Variants in HYCC1 observed in about 807,000 individuals in gnomAD.
The protein encoded by HYCC1 is hyccin PI4KA lipid kinase complex subunit 1, also known as hyccin.
chr7:22,997,004 G>A, the HYCC1 span, among the ~76,000 whole-genome samples: 175 of 152,162 alleles, frequency 1.2e-3, 1 homozygote, highest in South Asian at 2.5e-3. Flanking sequence ...AACATGTTCC[G>A]GAGCAGAATA....
the HYCC1 span, among the ~76,000 whole-genome samples, chr7:22,996,968 G>A: frequency 6.6e-6 from 1 of 152,150 alleles, no homozygotes; most frequent in East Asian, 1.9e-4. Context: ...GTTTCCTGCT[G>A]TGTAACTAAC....
chr7:22,902,956 C>T, the HYCC1 span, among the ~76,000 whole-genome samples: 6 of 152,036 alleles, frequency 3.9e-5, no homozygotes, highest in South Asian at 1.2e-3. Flanking sequence ...GACCAGTAAG[C>T]ACATAAAAAG....
chr7:22,958,018 A>G, the HYCC1 span, among the ~76,000 whole-genome samples: 1 of 151,552 alleles, frequency 6.6e-6, no homozygotes, highest in East Asian at 1.9e-4. Context: ...TAATTTATAT[A>G]TAAACAAAAT....
the HYCC1 span, among the ~76,000 whole-genome samples, chr7:22,990,178 A>G: frequency 2.6e-5 from 4 of 152,212 alleles, no homozygotes; most frequent in Non-Finnish European, 4.4e-5. Flanking sequence ...GCCAGACCAG[A>G]TGTTCACCCC....
the HYCC1 span, among the ~76,000 whole-genome samples, chr7:22,901,082 G>T: frequency 6.6e-6 from 1 of 151,674 alleles, no homozygotes; most frequent in Non-Finnish European, 1.5e-5. Context: ...TTACCCAGGT[G>T]TGGTGGTTTG....
At chr7:22,962,762 C>A in the HYCC1 span, among the ~76,000 whole-genome samples, 1 of 148,296 alleles carries the variant, frequency 6.7e-6, no homozygotes, top group African/African-American at 2.5e-5. Context: ...CATGCCCCCC[C>A]ACCCAACCCC....
chr7:23,013,088 G>A, the HYCC1 span, among the ~76,000 whole-genome samples: 3 of 152,244 alleles, frequency 2.0e-5, no homozygotes, highest in Admixed American at 1.3e-4. Context: ...AATCTTTCAG[G>A]AATGTCTAAA....
the HYCC1 span, chr7:22,942,951 A>T: frequency 6.6e-6 from 1 of 152,194 alleles, no homozygotes; most frequent in East Asian, 1.9e-4. Context: ...CCAGAAAATC[A>T]ATTAGTGCAA....
At chr7:22,983,881 A>C in the HYCC1 span, 1 of 967,382 alleles carries the variant, frequency 1.0e-6, no homozygotes, top group South Asian at 1.3e-5. Context: ...TCTATTTCAC[A>C]ATAAAAAATT....
chr7:22,997,530 G>C, the HYCC1 span, among the ~76,000 whole-genome samples: 1 of 151,976 alleles, frequency 6.6e-6, no homozygotes, highest in African/African-American at 2.4e-5. Flanking sequence ...AGAATTCCTG[G>C]GTGAATTTCA....
chr7:22,950,654 G>A, the HYCC1 span, among the ~76,000 whole-genome samples: 33 of 151,956 alleles, frequency 2.2e-4, no homozygotes, highest in East Asian at 5.2e-3. Context: ...TGAAGGAGCC[G>A]TCTCTAAATG....
chr7:22,990,990 A>G, the HYCC1 span: 6 of 1,031,920 alleles, frequency 5.8e-6, no homozygotes, highest in Non-Finnish European at 7.7e-6. Context: ...AAATACAAAA[A>G]TCACTGGAAT....
At chr7:22,929,575 A>T in the HYCC1 span, among the ~76,000 whole-genome samples, 266 of 152,358 alleles carry the variant, frequency 1.7e-3, 1 homozygote, top group African/African-American at 5.9e-3. Context: ...TTATGCAGCC[A>T]AAAAACACGT....
chr7:22,951,390 G>T, the HYCC1 span, among the ~76,000 whole-genome samples: 1 of 151,748 alleles, frequency 6.6e-6, no homozygotes, highest in Non-Finnish European at 1.5e-5. Context: ...CTGACATGGG[G>T]TGCTTACAAA....
At chr7:22,949,031 A>G in the HYCC1 span, among the ~76,000 whole-genome samples, 29 of 152,158 alleles carry the variant, frequency 1.9e-4, no homozygotes, top group African/African-American at 6.5e-4. Flanking sequence ...CTGTTTCACA[A>G]AAGATCTACT....
the HYCC1 span, among the ~76,000 whole-genome samples, chr7:22,914,059 T>C: frequency 6.6e-6 from 1 of 152,178 alleles, no homozygotes; most frequent in Admixed American, 6.5e-5. Context: ...TTTTCCTCTC[T>C]AGTAGAAACA....
the HYCC1 span, among the ~76,000 whole-genome samples, chr7:23,005,385 C>T: frequency 2.0e-5 from 3 of 152,118 alleles, no homozygotes; most frequent in African/African-American, 7.2e-5. Flanking sequence ...AAAAGGTACT[C>T]AATGAATGAT....
At chr7:22,917,522 G>A in the HYCC1 span, among the ~76,000 whole-genome samples, 5 of 152,136 alleles carry the variant, frequency 3.3e-5, no homozygotes, top group African/African-American at 4.8e-5. Flanking sequence ...CACATGCCCC[G>A]AGTCAGGAAA....
chr7:22,907,381 C>G, the HYCC1 span, among the ~76,000 whole-genome samples: 1 of 152,180 alleles, frequency 6.6e-6, no homozygotes, highest in African/African-American at 2.4e-5. Context: ...TTACCTTAGC[C>G]TGTCCAGGCA....
Sources: allele counts gnomAD v4.1 joint callset (sites outside exome capture counted in the v4.1 genomes callset), GRCh38; gene constraint gnomAD v4.1.1; transcripts MANE v1.5; gene names NCBI Gene and HGNC (gene_info 2026-07-23, HGNC 2026-07-21).